TBC1D5: variants seen among roughly 807,000 people sequenced by gnomAD.
TBC1D5 encodes the protein TBC1 domain family, member 5.
TBC1D5 carries 75 observed loss-of-function variants against 100.3 expected under a neutral mutation model. The observed-to-expected ratio is 0.75, with a 90% CI of 0.62 to 0.91. The LOEUF is 0.91. TBC1D5 is among the 40% of genes least tolerant of loss of function. The probability of loss-of-function intolerance (pLI) is 0.00; values close to 1 mark genes in which losing one functional copy is unlikely to be tolerated. For missense variants in TBC1D5, 910 were observed against 942.4 expected, an observed-to-expected ratio of 0.97 and a Z score of 0.45; for synonymous variants, 323 against 325.6, an observed-to-expected ratio of 0.99 and a Z score of 0.09.
At chr3:17,202,994 C>G (rs962731400) in intron 18 of TBC1D5, among the ~76,000 whole-genome samples, 4 of 152,234 alleles carry the variant, frequency 2.6e-5, no homozygotes, top group Non-Finnish European at 4.4e-5. Context: ...AAGAGGGCCA[C>G]TGTCCTCCAG....
At chr3:17,325,735 G>A (rs1440005949) in intron 13 of TBC1D5, among the ~76,000 whole-genome samples, 2 of 152,190 alleles carry the variant, frequency 1.3e-5, no homozygotes, top group Non-Finnish European at 2.9e-5. Context: ...AGGCTGAACA[G>A]ATCAATGATT....
intron 2 of TBC1D5, among the ~76,000 whole-genome samples, chr3:17,574,925 A>T (rs1202833297): frequency 6.6e-6 from 1 of 152,154 alleles, no homozygotes; most frequent in Non-Finnish European, 1.5e-5. Context: ...CACTGAAAAC[A>T]TGCTACCCAG....
At chr3:17,467,566 A>G (rs1259639576) in intron 3 of TBC1D5, among the ~76,000 whole-genome samples, 9 of 151,890 alleles carry the variant, frequency 5.9e-5, no homozygotes, top group Non-Finnish European at 1.3e-4. Context: ...AGTTACATTT[A>G]CTCAACACTA....
At chr3:17,684,426 G>A (rs955888285) in intron 1 of TBC1D5, among the ~76,000 whole-genome samples, 9 of 152,012 alleles carry the variant, frequency 5.9e-5, no homozygotes, top group Non-Finnish European at 4.4e-5. Flanking sequence ...AACTTGAAAT[G>A]TACAATGCAG....
At chr3:17,341,944 A>G (rs546574660) in intron 13 of TBC1D5, among the ~76,000 whole-genome samples, 1 of 152,126 alleles carries the variant, frequency 6.6e-6, no homozygotes, top group Admixed American at 6.5e-5. Flanking sequence ...TTCGCTGCCT[A>G]CTTGTAGTTA....
At chr3:17,610,079 G>T (rs1426516568) in intron 2 of TBC1D5, among the ~76,000 whole-genome samples, 2 of 152,186 alleles carry the variant, frequency 1.3e-5, no homozygotes, top group Admixed American at 1.3e-4. Flanking sequence ...TCTCTCAAAT[G>T]TGTCTTTCAT....
chr3:17,722,705 A>C (rs535990136), intron 1 of TBC1D5, among the ~76,000 whole-genome samples: 3 of 152,350 alleles, frequency 2.0e-5, no homozygotes, highest in Admixed American at 6.5e-5. Flanking sequence ...CCAGTTTACA[A>C]ATGAGAAAAC....
At position 17,163,980 on chromosome 3, in the gene TBC1D5, C is replaced by T. The variant is rs554774389; in HGVS notation, c.2095-2724G>A. On this transcript the variant is annotated intron_variant, in intron 21 of 21. Coordinates refer to ENST00000253692, the Ensembl canonical transcript of TBC1D5. ...TAATGGATCCAGGGTCCCACAAAGT[C>T]CTGCCTTCTACTGCAGCTGATTTGA... 3.2e-4 allele frequency among the ~76,000 whole-genome samples: 49 copies of T among 152,318 alleles called. No homozygotes were observed. The South Asian group carries it at 5.0e-3, about 15-fold the overall frequency.
chr3:17,568,282 C>G (rs1480462460), intron 2 of TBC1D5, among the ~76,000 whole-genome samples: 1 of 151,248 alleles, frequency 6.6e-6, no homozygotes, highest in Non-Finnish European at 1.5e-5. Context: ...ATATATTACT[C>G]TTTAAAAATA....
intron 2 of TBC1D5, among the ~76,000 whole-genome samples, chr3:17,572,165 G>GCT (rs150454002): frequency 8.7e-5 from 13 of 149,562 alleles, no homozygotes; most frequent in South Asian, 2.1e-4. Flanking sequence ...GCTTATTCCT[G>GCT]CTCTCTCTCT....
intron 1 of TBC1D5, among the ~76,000 whole-genome samples, chr3:17,628,952 G>A (rs533423273): frequency 7.9e-5 from 12 of 152,282 alleles, no homozygotes; most frequent in South Asian, 2.1e-4. Context: ...GACAGCACAC[G>A]GAGTGTAAAA....
chr3:17,169,961 T>G lies in TBC1D5; in HGVS notation c.1853-2133A>C, dbSNP rs531976333. ...TCGCATGCACAGTTCACAATAGGGT[T>G]TGCGATCCTACCAGAATCCAATGCT... On this transcript the variant is annotated intron_variant, in intron 19 of 21. Coordinates refer to ENST00000253692, the Ensembl canonical transcript of TBC1D5. Among the ~76,000 whole-genome samples, 3 of 152,342 alleles carry G rather than the reference T, an allele frequency of 2.0e-5. No individual in the cohort carries two copies. In the South Asian group the frequency reaches 6.2e-4, roughly 32 times the overall value.
chr3:17,278,115 G>C (rs1397057613), intron 15 of TBC1D5, among the ~76,000 whole-genome samples: 1 of 152,138 alleles, frequency 6.6e-6, no homozygotes, highest in Non-Finnish European at 1.5e-5. Flanking sequence ...AATATAAAAA[G>C]CATCAAGTTT....
At chr3:17,411,080 T>C (rs937496933) in intron 4 of TBC1D5, among the ~76,000 whole-genome samples, 1 of 152,012 alleles carries the variant, frequency 6.6e-6, no homozygotes, top group Non-Finnish European at 1.5e-5. Flanking sequence ...TTTAAAGGAA[T>C]TGCCACAGTT....
At chr3:17,410,310 C>A (rs553993960) in intron 4 of TBC1D5, among the ~76,000 whole-genome samples, 1 of 152,166 alleles carries the variant, frequency 6.6e-6, no homozygotes, top group African/African-American at 2.4e-5. Context: ...AGATTCCTTT[C>A]AAAATATTAT....
At chr3:17,201,005 T>G (rs1038859712) in intron 18 of TBC1D5, among the ~76,000 whole-genome samples, 1 of 152,244 alleles carries the variant, frequency 6.6e-6, no homozygotes, top group Non-Finnish European at 1.5e-5. Context: ...AATATTCTTA[T>G]GGTCAAAAGA....
At chr3:17,389,950 GA>G (rs1383957170) in intron 8 of TBC1D5, among the ~76,000 whole-genome samples, 3 of 151,460 alleles carry the variant, frequency 2.0e-5, no homozygotes, top group African/African-American at 7.3e-5. Context: ...AAGACATAAT[GA>G]AAAAAATCCT....
rs564693096 is a variant in TBC1D5, at chr3:17,333,331, C to T, written c.996-25197G>A. The T allele has an allele frequency of 9.2e-5, 14 of 152,442 alleles. No individual in the cohort carries two copies. In the South Asian group the frequency reaches 1.0e-3, roughly 11 times the overall value. 9.4% of individuals were successfully genotyped at this position (152,442 alleles called of 1,614,324 possible). A position where few individuals can be genotyped will look rare whatever the true frequency, so the allele number is the denominator to read the frequency against. On this transcript the variant is annotated intron_variant, in intron 13 of 21. Transcript: ENST00000253692. ...TTGCTCATTTCTCAAAAGGCCTTTC[C>T]CTTGAACCTCTGCAGAAACAGCTGA...
chr3:17,410,998 AATCT>A, intron 4 of TBC1D5, among the ~76,000 whole-genome samples: 1 of 152,278 alleles, frequency 6.6e-6, no homozygotes, highest in Non-Finnish European at 1.5e-5. Context: ...TGCCAAACAG[AATCT>A]CATGCTACAG....
Sources: allele counts gnomAD v4.1 joint callset (sites outside exome capture counted in the v4.1 genomes callset), GRCh38; gene constraint gnomAD v4.1.1; transcripts MANE v1.5; gene names NCBI Gene and HGNC (gene_info 2026-07-23, HGNC 2026-07-21).